The following XPA variants were observed in gnomAD, a reference collection of about 807,000 sequenced individuals.
XPA encodes DNA repair protein complementing XP-A cells.
XPA carries 27 observed loss-of-function variants against 35.7 expected under a neutral mutation model. The observed-to-expected ratio is 0.76, with a 90% confidence interval of 0.56 to 1.04. The LOEUF is 1.04. XPA is among the 50% of genes least tolerant of loss of function. The pLI is 0.00. For synonymous variants in XPA, 133 were observed against 118.4 expected, an observed-to-expected ratio of 1.12 and a Z score of -0.80; for missense variants, 354 against 342.7, an observed-to-expected ratio of 1.03 and a Z score of -0.26.
the XPA span, chr9:97,666,978 G>T: frequency 1.1e-6 from 1 of 919,596 alleles, no homozygotes; most frequent in Non-Finnish European, 1.6e-6. Context: ...TTTTTTCTGA[G>T]CCCAAATTAA....
intron 5 of XPA, among the ~76,000 whole-genome samples, chr9:97,678,064 G>C (rs1828422403): frequency 6.6e-6 from 1 of 152,184 alleles, no homozygotes; most frequent in African/African-American, 2.4e-5. Flanking sequence ...TAGAAATACA[G>C]ATACATGTGT....
chr9:97,660,388 A>G, the XPA span, among the ~76,000 whole-genome samples: 4 of 152,366 alleles, frequency 2.6e-5, no homozygotes, highest in Admixed American at 2.6e-4. Flanking sequence ...AATAGTAAAT[A>G]CAAGGAGTCC....
chr9:97,696,929 T>A (rs1490869094), intron 1 of XPA, among the ~76,000 whole-genome samples, 192 bp downstream of exon 1: 1 of 152,162 alleles, frequency 6.6e-6, no homozygotes, highest in Non-Finnish European at 1.5e-5. Flanking sequence ...AGGAACGCTC[T>A]GTGGTCGTGG....
chr9:97,656,704 C>T, the XPA span, among the ~76,000 whole-genome samples: 1 of 152,166 alleles, frequency 6.6e-6, no homozygotes, highest in Non-Finnish European at 1.5e-5. Flanking sequence ...ACTCCCTTTT[C>T]GTCTCTCCCT....
At chr9:97,669,893 A>G in the XPA span, 2 of 652,492 alleles carry the variant, frequency 3.1e-6, no homozygotes, top group Non-Finnish European at 5.6e-6. Flanking sequence ...TACCACTTAG[A>G]TTCCTAATTG....
intron 1 of XPA, among the ~76,000 whole-genome samples, chr9:97,696,489 T>C (rs1321605682): frequency 6.6e-6 from 1 of 152,168 alleles, no homozygotes; most frequent in African/African-American, 2.4e-5. Flanking sequence ...ACTCATGGAA[T>C]CTATGGATTA....
chr9:97,681,810 G>A (rs1370437981), intron 5 of XPA, among the ~76,000 whole-genome samples: 1 of 152,118 alleles, frequency 6.6e-6, no homozygotes, highest in African/African-American at 2.4e-5. Flanking sequence ...TAAGATGCCT[G>A]TTCACTACTT....
chr9:97,683,432 G>A (rs1828607163), intron 5 of XPA, among the ~76,000 whole-genome samples: 1 of 152,178 alleles, frequency 6.6e-6, no homozygotes, highest in African/African-American at 2.4e-5. Context: ...ATATGGCACA[G>A]CTTATTACAG....
chr9:97,659,358 T>C, the XPA span, among the ~76,000 whole-genome samples: 1 of 152,360 alleles, frequency 6.6e-6, no homozygotes, highest in Non-Finnish European at 1.5e-5. Context: ...TCCTTCCATT[T>C]TGTGTTGTGT....
intron 5 of XPA, among the ~76,000 whole-genome samples, chr9:97,681,782 CCT>C (rs1306588448): frequency 3.9e-5 from 6 of 152,132 alleles, no homozygotes. Context: ...GTGTAACAGT[CCT>C]CTCTTTCAGA....
intron 5 of XPA, among the ~76,000 whole-genome samples, chr9:97,684,527 G>A (rs763181083): frequency 2.2e-4 from 34 of 152,160 alleles, no homozygotes; most frequent in Non-Finnish European, 2.5e-4. Context: ...TGAATTAGAT[G>A]ACTAAGACTT....
At chr9:97,689,936 TAAAAC>T (rs1828836607) in intron 2 of XPA, among the ~76,000 whole-genome samples, 1 of 152,218 alleles carries the variant, frequency 6.6e-6, no homozygotes, top group Non-Finnish European at 1.5e-5. Flanking sequence ...CAGAGTGACT[TAAAAC>T]AACACACATT....
chr9:97,663,865 A>G, the XPA span, among the ~76,000 whole-genome samples: 1 of 151,794 alleles, frequency 6.6e-6, no homozygotes, highest in Non-Finnish European at 1.5e-5. Flanking sequence ...AGCAAAGCAA[A>G]GGGGAGAATA....
chr9:97,693,726 A>C lies in XPA; in HGVS notation c.206T>G (p.Ile69Ser), dbSNP rs755315448. Residue 69 changes from isoleucine (I) to serine (S), a missense_variant, in exon 2 of 6, where the codon ATT becomes AGT. By Grantham distance (142) the Ile-to-Ser change is moderately radical (BLOSUM62 -2). Coordinates refer to ENST00000375128, the MANE Select transcript of XPA (RefSeq NM_000380.4). ...TAAAATGAAGCCTCCTCCTGTGTCA[A>C]TTATCTTTGGGGCTGCTTTTACATT... ...MANVKAAPKI[I>S]DTGGGFILEE... is the part of the protein sequence containing the mutation. The C allele has an allele frequency of 8.1e-6, 13 of 1,613,210 alleles. No individual in the cohort carries two copies. The highest frequency in any genetic ancestry group is 1.1e-5 in the Non-Finnish European group (13 of 1,179,926).
chr9:97,671,166 C>A, downstream of XPA: 1 of 1,613,212 alleles, frequency 6.2e-7, no homozygotes, highest in South Asian at 1.1e-5. Context: ...ATATCTTGGC[C>A]GTGTTCCAGC....
At position 97,697,256 on chromosome 9, in the gene XPA, C is replaced by T. The variant is rs754275652; in HGVS notation, c.37G>A (p.Ala13Thr). The change falls in exon 1 of 6, where the codon GCT becomes ACT. Residue 13 changes from alanine to threonine, a missense_variant. Transcript: ENST00000375128. ...AADGALPEAA[A>T]LEQPAELPAS... is the part of the protein sequence containing the mutation. ...GGCAGCTCCGCGGGTTGCTCTAAAG[C>T]CGCCGCCTCCGGCAAAGCCCCGTCG... The T allele has an allele frequency of 6.3e-7, 1 of 1,599,676 alleles. No homozygotes were observed. Among genetic ancestry groups the T allele is most frequent in the African/African-American group, 1.3e-5 (1 of 74,834 alleles).
At chr9:97,691,708 C>T (rs749680430) in intron 2 of XPA, among the ~76,000 whole-genome samples, 2 of 150,582 alleles carry the variant, frequency 1.3e-5, no homozygotes, top group East Asian at 2.0e-4. Context: ...AGTGAAACTC[C>T]GTCTCAAAAA....
Position 97,697,266 on chromosome 9 carries a change from C to T in XPA, c.27G>A (p.Pro9=), listed in dbSNP as rs1829085766. 1.3e-6 allele frequency: 2 copies of T among 1,599,048 alleles called. No homozygotes were observed. The highest frequency in any genetic ancestry group is 1.7e-6 in the Non-Finnish European group (2 of 1,179,194). Residue 9 remains proline, a synonymous_variant, in exon 1 of 6, where the codon CCG becomes CCA. Transcript: ENST00000375128. ...CGGGTTGCTCTAAAGCCGCCGCCTC[C>T]GGCAAAGCCCCGTCGGCCGCCGCCA... MAAADGAL[P]EAAALEQPAE...
chr9:97,675,540 C>A lies in XPA; in HGVS notation c.721G>T (p.Val241Phe). Residue 241 changes from valine to phenylalanine, a missense_variant, in exon 6 of 6, where the codon GTT becomes TTT. Coordinates refer to ENST00000375128, the MANE Select transcript of XPA (RefSeq NM_000380.4). The part of the protein sequence containing the change: ...RSSVWKRETI[V>F]HQHEYGPEEN... ...TCTGGTCCATACTCATGTTGATGAACAATCGTCTCCCTTTTCCACACGCTG... is the reference window on the plus strand; with the variant it reads ...TCTGGTCCATACTCATGTTGATGAAAAATCGTCTCCCTTTTCCACACGCTG... 6.2e-7 allele frequency: 1 copy of A among 1,613,932 alleles called. No individual in the cohort carries two copies. The highest frequency in any genetic ancestry group is 1.1e-5 in the South Asian group (1 of 91,078).
Sources: gnomAD v4.1 joint callset for allele counts (sites outside exome capture counted in the v4.1 genomes callset) on GRCh38, gnomAD v4.1.1 for gene constraint, MANE v1.5 for transcripts, NCBI Gene and HGNC (gene_info 2026-07-23, HGNC 2026-07-21) for gene names.